PITPNA: variants seen among roughly 807,000 people sequenced by gnomAD.
PITPNA encodes the protein phosphatidylinositol transfer protein alpha isoform.
A neutral mutation model predicts 50.3 loss-of-function variants in PITPNA; 13 were observed. The observed-to-expected ratio is 0.26, with a 90% CI of 0.17 to 0.41. The LOEUF (loss-of-function observed/expected upper bound fraction) is 0.41, where lower values mean the gene tolerates loss of function less well. Among genes scored for constraint, PITPNA ranks in the 10% least tolerant of loss-of-function variants. The probability of loss-of-function intolerance (pLI) is 1.00; values close to 1 mark genes in which losing one functional copy is unlikely to be tolerated. For synonymous variants in PITPNA, 120 were observed against 119.6 expected (o/e 1.00, Z -0.02); for missense variants, 207 against 333.4 (o/e 0.62, Z 2.95).
chr17:1,532,119 GCT>G (rs1434459221), intron 10 of PITPNA, among the ~76,000 whole-genome samples: 3 of 152,106 alleles, frequency 2.0e-5, no homozygotes, highest in Non-Finnish European at 4.4e-5. Flanking sequence ...ACGGAGTCTT[GCT>G]CTGTCGCCCA....
intron 4 of PITPNA, among the ~76,000 whole-genome samples, chr17:1,546,755 T>C (rs184693557): frequency 6.6e-6 from 1 of 152,264 alleles, no homozygotes; most frequent in African/African-American, 2.4e-5. Flanking sequence ...CCTGGAAACC[T>C]AGGAATCTTG....
chr17:1,521,508 G>T, intron 11 of PITPNA, 71 bp downstream of exon 11: 1 of 999,552 alleles, frequency 1.0e-6, no homozygotes, highest in Non-Finnish European at 1.6e-6. Flanking sequence ...TCCATAGTGA[G>T]CTGCTGAGGC....
At chr17:1,535,055 C>G in intron 9 of PITPNA, 127 bp downstream of exon 9, 1 of 634,506 alleles carries the variant, frequency 1.6e-6, no homozygotes, top group Non-Finnish European at 2.9e-6. Context: ...CACCACCCCC[C>G]ACCGCACACA....
At chr17:1,557,023 G>C (rs2075738308) in intron 2 of PITPNA, among the ~76,000 whole-genome samples, 2 of 152,154 alleles carry the variant, frequency 1.3e-5, no homozygotes, top group Non-Finnish European at 2.9e-5. Flanking sequence ...ACACCTGTCA[G>C]CCCAGGCACC....
chr17:1,522,240 T>G (rs917197735), intron 10 of PITPNA, among the ~76,000 whole-genome samples: 1 of 149,276 alleles, frequency 6.7e-6, no homozygotes, highest in Non-Finnish European at 1.5e-5. Flanking sequence ...CCCGGCTAAT[T>G]TTTTGTATTT....
intron 3 of PITPNA, 93 bp from the exon 4 acceptor site, chr17:1,548,480 C>T: frequency 3.5e-6 from 3 of 860,086 alleles, no homozygotes; most frequent in Non-Finnish European, 1.8e-6. Flanking sequence ...GGGGAGCTGA[C>T]AAGCAAGTTT....
chr17:1,522,030 G>A (rs1393833285), intron 10 of PITPNA, among the ~76,000 whole-genome samples: 5 of 150,520 alleles, frequency 3.3e-5, no homozygotes, highest in Admixed American at 2.0e-4. Context: ...CACTTGGCCC[G>A]TTTCATTCAT....
intron 2 of PITPNA, among the ~76,000 whole-genome samples, chr17:1,557,783 G>A (rs1420062842): frequency 1.3e-5 from 2 of 152,194 alleles, no homozygotes; most frequent in African/African-American, 4.8e-5. Context: ...GGAGGGTTCT[G>A]TGTCTTGGTC....
intron 10 of PITPNA, among the ~76,000 whole-genome samples, chr17:1,522,071 C>CTTTTTTTTTTTTTTT (rs1555530261): frequency 7.1e-6 from 1 of 141,670 alleles, no homozygotes; most frequent in African/African-American, 2.7e-5. Flanking sequence ...TATGAAACAT[C>CTTTTTTTTTTTTTTT]TTTTTTTTTT....
intron 10 of PITPNA, among the ~76,000 whole-genome samples, chr17:1,529,291 G>A (rs1294486662): frequency 6.6e-6 from 1 of 152,106 alleles, no homozygotes; most frequent in African/African-American, 2.4e-5. Flanking sequence ...GGGAGGCCGA[G>A]GCAGGTGCAT....
intron 1 of PITPNA, chr17:1,559,890 A>T (rs2075759412): frequency 2.2e-6 from 1 of 463,530 alleles, no homozygotes; most frequent in East Asian, 1.5e-4. Context: ...GAATGCTGCC[A>T]GTGAGCCTCC....
chr17:1,535,646 GA>G, intron 7 of PITPNA, 128 bp from the exon 8 acceptor site: 1 of 697,250 alleles, frequency 1.4e-6, no homozygotes, highest in Non-Finnish European at 2.6e-6. Flanking sequence ...GCAAATATGG[GA>G]AAATGTTATA....
chr17:1,537,846 G>C (rs1298400941), intron 7 of PITPNA, among the ~76,000 whole-genome samples: 1 of 152,058 alleles, frequency 6.6e-6, no homozygotes, highest in East Asian at 1.9e-4. Context: ...TGTCGCCCAG[G>C]CTGGAGTGCG....
chr17:1,536,585 T>A (rs533173111), intron 7 of PITPNA, among the ~76,000 whole-genome samples: 4 of 149,896 alleles, frequency 2.7e-5, no homozygotes, highest in South Asian at 4.2e-4. Context: ...CACCGCGCCC[T>A]GCCTTATTTT....
In PITPNA at chr17:1,520,976, G is replaced by A. The variant is rs186255447; in HGVS notation, c.*23-438C>T. ...TACAGGGCACTGGGAAACCAGCACCGAGAGTTAACGGAAGGAGGGGGCTTG... is the reference window on the plus strand; with the variant it reads ...TACAGGGCACTGGGAAACCAGCACCAAGAGTTAACGGAAGGAGGGGGCTTG... On this transcript the variant is annotated intron_variant, in intron 11 of 11. Transcript: ENST00000313486. Among the ~76,000 whole-genome samples, 9 of 152,266 alleles carry A rather than the reference G, an allele frequency of 5.9e-5. No homozygotes were observed. In the East Asian group the frequency reaches 1.2e-3, roughly 20 times the overall value.
intron 7 of PITPNA, 50 bp from the exon 8 acceptor site, chr17:1,535,568 A>G: frequency 9.2e-7 from 1 of 1,086,610 alleles, no homozygotes; most frequent in Non-Finnish European, 1.4e-6. Context: ...AGAGGGAGTG[A>G]GAGATGGGGA....
At chr17:1,543,294 GCAGGGCACTGA>G (rs995488187) in intron 4 of PITPNA, among the ~76,000 whole-genome samples, 4 of 152,128 alleles carry the variant, frequency 2.6e-5, no homozygotes, top group Non-Finnish European at 4.4e-5. Context: ...ATTCTTTTCA[GCAGGGCACTGA>G]CAGGGACCAG....
chr17:1,550,604 T>C (rs1248714470), intron 3 of PITPNA, among the ~76,000 whole-genome samples: 1 of 152,048 alleles, frequency 6.6e-6, no homozygotes, highest in Non-Finnish European at 1.5e-5. Context: ...CATGGCTCAC[T>C]GGCAGCCTTG....
intron 10 of PITPNA, among the ~76,000 whole-genome samples, chr17:1,523,876 C>T (rs2075529708): frequency 6.6e-6 from 1 of 151,778 alleles, no homozygotes; most frequent in African/African-American, 2.4e-5. Flanking sequence ...CCAGGCTAGT[C>T]TCGAACCCCT....
Sources: allele counts gnomAD v4.1 joint callset (sites outside exome capture counted in the v4.1 genomes callset), GRCh38; gene constraint gnomAD v4.1.1; transcripts MANE v1.5; gene names NCBI Gene and HGNC (gene_info 2026-07-23, HGNC 2026-07-21).